Variants in ARHGAP23 observed in about 807,000 individuals in gnomAD.
The protein encoded by ARHGAP23 is rho GTPase-activating protein 23.
In ARHGAP23, 34 loss-of-function variants were observed where a neutral mutation model predicts 136.3. The ratio of observed to expected loss-of-function variants is 0.25; its 90% CI spans 0.19 to 0.33. The LOEUF is 0.33. ARHGAP23 is among the 10% of genes least tolerant of loss of function. ARHGAP23 has a pLI of 1.00. For synonymous variants in ARHGAP23, 832 were observed against 920.5 expected, an observed-to-expected ratio of 0.90 and a Z score of 1.74; for missense variants, 1,808 against 2,139.0, an observed-to-expected ratio of 0.85 and a Z score of 3.05.
intron 6 of ARHGAP23, 96 bp from the exon 7 acceptor site, chr17:38,466,070 AT>A: frequency 1.0e-6 from 1 of 991,194 alleles, no homozygotes; most frequent in Non-Finnish European, 1.3e-6. Flanking sequence ...CTCTCCCTTC[AT>A]TTCCCTCCTG....
Position 38,510,036 on chromosome 17 carries a change from G to A in ARHGAP23, c.3540G>A (p.Arg1180=), listed in dbSNP as rs1189406436. ...TCAACCGCAAGCGCAAGAAGCGGCGGGAGGCGCGGGGGCTGGGCAGCAGCA... is the reference window on the plus strand; with the variant it reads ...TCAACCGCAAGCGCAAGAAGCGGCGAGAGGCGCGGGGGCTGGGCAGCAGCA... ...SAVNRKRKKR[R]EARGLGSSTD... Residue 1180 remains arginine (R), a synonymous_variant, in exon 24 of 24, where the codon CGG becomes CGA. Coordinates refer to ENST00000622683, the MANE Select transcript of ARHGAP23 (RefSeq NM_001199417.2). This position sits in a 1 kb window ranked among gnomAD's most constrained non-coding sequence, Gnocchi z 4.6. 1.6e-6 allele frequency: 2 copies of A among 1,243,928 alleles called. No homozygotes were observed. The highest frequency in any genetic ancestry group is 2.0e-6 in the Non-Finnish European group (2 of 994,492). 77.1% of individuals were successfully genotyped at this position (1,243,928 alleles called of 1,614,324 possible). A position where few individuals can be genotyped will look rare whatever the true frequency, so the allele number is the denominator to read the frequency against.
At chr17:38,438,601 C>G (rs192140119) in intron 1 of ARHGAP23, among the ~76,000 whole-genome samples, 2 of 152,238 alleles carry the variant, frequency 1.3e-5, no homozygotes, top group African/African-American at 4.8e-5. Flanking sequence ...TTTGGAGCCA[C>G]ACAAGGGTCT....
At chr17:38,435,620 C>T (rs570555200) in intron 1 of ARHGAP23, among the ~76,000 whole-genome samples, 163 of 152,234 alleles carry the variant, frequency 1.1e-3, no homozygotes, top group Middle Eastern at 6.8e-3. Context: ...TTGTTGTTTT[C>T]GAGACAGAGT....
rs1398294983 is a variant in ARHGAP23 at position 38,511,768 on chromosome 17, G to A, written c.*796G>A. Reference sequence around the variant, plus strand: ...GTGGGGGGGGTCCAGGGTCCCCCTTGCTGGTACCTCCCTCACCCCTCTTTT... The same window carrying A: ...GTGGGGGGGGTCCAGGGTCCCCCTTACTGGTACCTCCCTCACCCCTCTTTT... On this transcript the variant is annotated 3_prime_UTR_variant, in exon 24 of 24. Coordinates refer to ENST00000622683, the MANE Select transcript of ARHGAP23 (RefSeq NM_001199417.2). The A allele has an allele frequency of 1.3e-5, 2 of 152,152 alleles. No homozygotes were observed. Among genetic ancestry groups the A allele is most frequent in the African/African-American group, 4.8e-5 (2 of 41,368 alleles). The allele number at this position is 152,152 out of a possible 1,614,324, so 9.4% of individuals were successfully genotyped here. A position where few individuals can be genotyped will look rare whatever the true frequency, so the allele number is the denominator to read the frequency against.
At chr17:38,491,304 G>A in intron 19 of ARHGAP23, 103 bp from the exon 20 acceptor site, 4 of 1,462,162 alleles carry the variant, frequency 2.7e-6, no homozygotes, top group Non-Finnish European at 3.7e-6. Flanking sequence ...CCTCTAAGCT[G>A]GGGACTGGTG....
chr17:38,483,453 T>C (rs1451604982), intron 16 of ARHGAP23, among the ~76,000 whole-genome samples: 2 of 152,220 alleles, frequency 1.3e-5, no homozygotes, highest in Non-Finnish European at 1.5e-5. Context: ...AGAGGGGCCT[T>C]GGGAGGCCAG....
intron 10 of ARHGAP23, among the ~76,000 whole-genome samples, chr17:38,470,499 C>T (rs1234753349): frequency 2.0e-5 from 3 of 152,234 alleles, no homozygotes; most frequent in African/African-American, 7.2e-5. Context: ...TTCCCAGCCT[C>T]AGGACCTGGG....
intron 11 of ARHGAP23, among the ~76,000 whole-genome samples, chr17:38,476,258 C>G (rs138227007): frequency 6.6e-6 from 1 of 152,134 alleles, no homozygotes; most frequent in Non-Finnish European, 1.5e-5. Context: ...GTCTGTGCAT[C>G]CTCTAAGCAA....
At chr17:38,441,429 C>G (rs946496520) in intron 1 of ARHGAP23, among the ~76,000 whole-genome samples, 2 of 152,184 alleles carry the variant, frequency 1.3e-5, no homozygotes, top group African/African-American at 4.8e-5. Context: ...CCCCCTTCCC[C>G]TCCTCCCTTA....
chr17:38,428,390 C>CG (rs1555574676), upstream of ARHGAP23: 5 of 453,804 alleles, frequency 1.1e-5, no homozygotes, highest in Admixed American at 1.5e-4. Context: ...GGGGCCCCCC[C>CG]ACACCGCGCT....
intron 20 of ARHGAP23, among the ~76,000 whole-genome samples, chr17:38,496,242 T>G (rs1394122526): frequency 6.6e-6 from 1 of 152,138 alleles, no homozygotes; most frequent in African/African-American, 2.4e-5. Flanking sequence ...GTGTCTTCCT[T>G]CCACCACATC....
intron 17 of ARHGAP23, among the ~76,000 whole-genome samples, chr17:38,486,855 C>T (rs1175842299): frequency 1.3e-5 from 2 of 152,224 alleles, no homozygotes; most frequent in African/African-American, 4.8e-5. Flanking sequence ...GGGCTTTGGC[C>T]GTTTGCTGAA....
intron 2 of ARHGAP23, among the ~76,000 whole-genome samples, chr17:38,458,868 A>C (rs976921099): frequency 2.0e-5 from 3 of 152,104 alleles, no homozygotes; most frequent in African/African-American, 7.2e-5. Flanking sequence ...TCTGGGCTCC[A>C]TTTCTCCTGC....
At chr17:38,489,904 CGAGTGTAGCTGTGGT>C in intron 17 of ARHGAP23, 183 bp from the exon 18 acceptor site, 3 of 602,526 alleles carry the variant, frequency 5.0e-6, no homozygotes, top group South Asian at 2.0e-5. Flanking sequence ...GGTGCACACC[CGAGTGTAGCTGTGGT>C]GAGTGCAGCT....
At chr17:38,446,507 C>A (rs941404720) in intron 1 of ARHGAP23, among the ~76,000 whole-genome samples, 19 of 151,938 alleles carry the variant, frequency 1.3e-4, no homozygotes, top group African/African-American at 3.6e-4. Flanking sequence ...AACACTGCTA[C>A]AAACATGGGT....
intron 23 of ARHGAP23, among the ~76,000 whole-genome samples, chr17:38,509,367 G>A (rs964293745): frequency 1.3e-5 from 2 of 152,124 alleles, no homozygotes; most frequent in East Asian, 1.9e-4. Flanking sequence ...GGGGATTGGC[G>A]GGGTGGGGAG....
chr17:38,442,261 C>A (rs980962342), intron 1 of ARHGAP23, among the ~76,000 whole-genome samples: 3 of 152,166 alleles, frequency 2.0e-5, no homozygotes, highest in Non-Finnish European at 2.9e-5. Flanking sequence ...GCCCGGCCCC[C>A]CTTTCTTCCT....
intron 6 of ARHGAP23, 55 bp downstream of exon 6, chr17:38,463,437 G>A (rs2039508908): frequency 3.2e-6 from 5 of 1,540,530 alleles, no homozygotes; most frequent in Non-Finnish European, 8.8e-7. Flanking sequence ...GGGCAGCACC[G>A]GCTCCCCTGG....
chr17:38,508,375 A>G (rs1422154517), intron 23 of ARHGAP23, among the ~76,000 whole-genome samples: 1 of 152,138 alleles, frequency 6.6e-6, no homozygotes, highest in Admixed American at 6.6e-5. Flanking sequence ...GTAGGGCTGT[A>G]TTTCCACAGT....
Sources: allele counts gnomAD v4.1 joint callset (sites outside exome capture counted in the v4.1 genomes callset), GRCh38; gene constraint gnomAD v4.1.1; non-coding constraint Gnocchi (gnomAD v3.1); transcripts MANE v1.5; gene names NCBI Gene and HGNC (gene_info 2026-07-23, HGNC 2026-07-21).